CNTNAP2: variants seen among roughly 807,000 people sequenced by gnomAD.
CNTNAP2 encodes contactin associated protein 2.
CNTNAP2 carries 98 observed loss-of-function variants against 155.2 expected under a neutral mutation model. The observed-to-expected ratio is 0.63, with a 90% confidence interval of 0.54 to 0.75. The LOEUF is 0.75. Ranked by LOEUF, CNTNAP2 falls within the 30% of genes least tolerant of loss-of-function variation. The probability of loss-of-function intolerance (pLI) is 0.00; values close to 1 mark genes in which losing one functional copy is unlikely to be tolerated. For missense variants in CNTNAP2, 1,727 were observed against 1,688.1 expected (o/e 1.02, Z -0.40); for synonymous variants, 651 against 631.2 (o/e 1.03, Z -0.47).
intron 2 of CNTNAP2, among the ~76,000 whole-genome samples, chr7:146,796,146 G>A (rs1370788202): frequency 1.3e-5 from 2 of 152,056 alleles, no homozygotes; most frequent in East Asian, 1.9e-4. Context: ...AAACAGAAAG[G>A]CATGCTTTAT....
chr7:146,952,790 A>C (rs955149110), intron 3 of CNTNAP2, among the ~76,000 whole-genome samples: 2 of 152,138 alleles, frequency 1.3e-5, no homozygotes, highest in Admixed American at 6.6e-5. Context: ...GACTTTTCTT[A>C]CATTTCTAAA....
At chr7:146,465,133 A>C (rs968477320) in intron 1 of CNTNAP2, among the ~76,000 whole-genome samples, 6 of 151,290 alleles carry the variant, frequency 4.0e-5, no homozygotes, top group Non-Finnish European at 8.8e-5. Context: ...ACACACACAC[A>C]CCACACACAC....
At chr7:148,073,549 A>G (rs1177246960) in intron 15 of CNTNAP2, among the ~76,000 whole-genome samples, 1 of 152,210 alleles carries the variant, frequency 6.6e-6, no homozygotes, top group African/African-American at 2.4e-5. Flanking sequence ...TATTGGCTCA[A>G]CAGTAGAGGT....
chr7:146,448,152 G>A (rs1163871011), intron 1 of CNTNAP2, among the ~76,000 whole-genome samples: 7 of 151,996 alleles, frequency 4.6e-5, no homozygotes, highest in Admixed American at 4.6e-4. Flanking sequence ...TAATGATTGA[G>A]AAATGGCTGT....
chr7:148,277,305 T>G (rs1182098839), intron 21 of CNTNAP2, among the ~76,000 whole-genome samples: 2 of 152,080 alleles, frequency 1.3e-5, no homozygotes, highest in African/African-American at 4.8e-5. Context: ...AGAGTCCCTT[T>G]CTTTGACTCA....
intron 1 of CNTNAP2, among the ~76,000 whole-genome samples, chr7:146,509,605 G>A (rs554850403): frequency 1.1e-3 from 171 of 152,252 alleles, no homozygotes; most frequent in Admixed American, 3.1e-3. Context: ...CACAACAGAG[G>A]TTCTTCCTCC....
chr7:147,734,682 C>A (rs1796807358), intron 13 of CNTNAP2, among the ~76,000 whole-genome samples: 1 of 152,178 alleles, frequency 6.6e-6, no homozygotes, highest in African/African-American at 2.4e-5. Flanking sequence ...TAATTATTGC[C>A]TCACTTTCAG....
chr7:147,587,709 T>C (rs6954225), intron 12 of CNTNAP2, among the ~76,000 whole-genome samples: 105,683 of 152,042 alleles, frequency 0.7, 37,377 homozygotes, highest in African/African-American at 0.82. Context: ...GAAGATCGGA[T>C]ATTCTTTTAA....
intron 1 of CNTNAP2, among the ~76,000 whole-genome samples, chr7:146,137,808 A>C (rs1270623609): frequency 6.6e-6 from 1 of 151,940 alleles, no homozygotes; most frequent in African/African-American, 2.4e-5. Flanking sequence ...TTTAAGTAAA[A>C]TCATAATTTA....
intron 1 of CNTNAP2, among the ~76,000 whole-genome samples, chr7:146,131,786 G>C (rs1236090450): frequency 2.6e-5 from 4 of 152,064 alleles, no homozygotes; most frequent in Non-Finnish European, 5.9e-5. Flanking sequence ...ATCTTATCTT[G>C]AATTGTAATT....
At chr7:147,608,753 T>A (rs2116873110) in intron 12 of CNTNAP2, among the ~76,000 whole-genome samples, 1 of 152,310 alleles carries the variant, frequency 6.6e-6, no homozygotes, top group Non-Finnish European at 1.5e-5. Flanking sequence ...AGGCTTTGTG[T>A]GAGCAGCAAG....
intron 1 of CNTNAP2, among the ~76,000 whole-genome samples, chr7:146,443,246 A>G (rs1385356879): frequency 6.6e-6 from 1 of 150,754 alleles, no homozygotes; most frequent in South Asian, 2.1e-4. Context: ...ATAAATAAAT[A>G]AATAAATAAA....
intron 13 of CNTNAP2, among the ~76,000 whole-genome samples, chr7:147,870,245 A>G (rs1436433849): frequency 6.6e-6 from 1 of 152,050 alleles, no homozygotes; most frequent in Non-Finnish European, 1.5e-5. Flanking sequence ...CGCTGGTCTG[A>G]CCCTATGGAG....
At chr7:146,536,730 C>G (rs1301504409) in intron 1 of CNTNAP2, among the ~76,000 whole-genome samples, 1 of 152,066 alleles carries the variant, frequency 6.6e-6, no homozygotes, top group Non-Finnish European at 1.5e-5. Flanking sequence ...CAAGACATCT[C>G]TAGTCACGTT....
At chr7:146,161,782 C>A (rs1454609488) in intron 1 of CNTNAP2, among the ~76,000 whole-genome samples, 1 of 152,106 alleles carries the variant, frequency 6.6e-6, no homozygotes, top group East Asian at 1.9e-4. Context: ...CTACAGTAAC[C>A]AAAACAGCAT....
At chr7:147,599,811 A>G (rs760035227) in intron 12 of CNTNAP2, among the ~76,000 whole-genome samples, 3 of 152,184 alleles carry the variant, frequency 2.0e-5, no homozygotes, top group Non-Finnish European at 4.4e-5. Flanking sequence ...CTAACATGTT[A>G]TCTTAATTTG....
chr7:146,423,681 T>C (rs982819654), intron 1 of CNTNAP2, among the ~76,000 whole-genome samples: 2 of 152,234 alleles, frequency 1.3e-5, no homozygotes, highest in Non-Finnish European at 2.9e-5. Flanking sequence ...GGCCTCTTTG[T>C]GTCTCCAAGT....
At chr7:148,201,394 T>C (rs990945761) in intron 18 of CNTNAP2, among the ~76,000 whole-genome samples, 3 of 152,260 alleles carry the variant, frequency 2.0e-5, no homozygotes, top group Non-Finnish European at 4.4e-5. Flanking sequence ...TTTTCACCTG[T>C]GACCTCATCA....
intron 1 of CNTNAP2, among the ~76,000 whole-genome samples, chr7:146,373,747 A>T (rs560057661): frequency 6.6e-6 from 1 of 152,260 alleles, no homozygotes; most frequent in African/African-American, 2.4e-5. Context: ...CATAAAACAT[A>T]ATTGAGAAAT....
Sources: allele counts gnomAD v4.1 joint callset (sites outside exome capture counted in the v4.1 genomes callset), GRCh38; gene constraint gnomAD v4.1.1; transcripts MANE v1.5; gene names NCBI Gene and HGNC (gene_info 2026-07-23, HGNC 2026-07-21).